The following TMEM132D variants were observed in gnomAD, a reference collection of about 807,000 sequenced individuals.
The protein encoded by TMEM132D is transmembrane protein 132D, also known as mature OL transmembrane protein.
In TMEM132D, 21 loss-of-function variants were observed where a neutral mutation model predicts 62.3. The ratio of observed to expected loss-of-function variants is 0.34; its 90% CI spans 0.24 to 0.49. The LOEUF is 0.49. TMEM132D is among the 20% of genes least tolerant of loss of function. The pLI is 0.99. For synonymous variants in TMEM132D, 621 were observed against 575.6 expected (o/e 1.08, Z -1.13); for missense variants, 1,346 against 1,402.8 (o/e 0.96, Z 0.65).
intron 1 of TMEM132D, among the ~76,000 whole-genome samples, chr12:129,866,688 A>G: frequency 6.6e-6 from 1 of 152,152 alleles, no homozygotes; most frequent in East Asian, 1.9e-4. Flanking sequence ...TAAGTTGGTA[A>G]AGCCATTACG....
At chr12:129,357,834 C>T (rs1167303097) in intron 3 of TMEM132D, among the ~76,000 whole-genome samples, 3 of 152,290 alleles carry the variant, frequency 2.0e-5, no homozygotes, top group Admixed American at 6.5e-5. Flanking sequence ...CATAGGCTAC[C>T]AAAGGTCTCC....
At chr12:129,881,279 C>T (rs766497554) in intron 1 of TMEM132D, among the ~76,000 whole-genome samples, 38 of 151,904 alleles carry the variant, frequency 2.5e-4, no homozygotes, top group Non-Finnish European at 5.0e-4. Context: ...AAGAGGTACT[C>T]CTCTCAGTAA....
rs188800646 is a variant in TMEM132D, at chr12:129,721,923, G to A, written c.80-21225C>T. ...AGCCTACTTCTCAGATGTGGGTCCCGGGAAACCCAATCTTCTTAATTTGTC... is the reference window on the plus strand; with the variant it reads ...AGCCTACTTCTCAGATGTGGGTCCCAGGAAACCCAATCTTCTTAATTTGTC... On this transcript the variant is annotated intron_variant, in intron 1 of 8. Coordinates refer to ENST00000422113, the MANE Select transcript of TMEM132D (RefSeq NM_133448.3). Among the ~76,000 whole-genome samples the A allele has an allele frequency of 1.1e-4, 16 of 152,286 alleles. No homozygotes were observed. In the East Asian group the frequency reaches 2.5e-3, roughly 24 times the overall value.
At chr12:129,622,321 G>A (rs1324587028) in intron 2 of TMEM132D, among the ~76,000 whole-genome samples, 4 of 152,212 alleles carry the variant, frequency 2.6e-5, no homozygotes, top group Admixed American at 1.3e-4. Context: ...AATCGGCACC[G>A]ACAGTGGGCG....
chr12:129,363,778 T>C (rs369863313), intron 3 of TMEM132D, among the ~76,000 whole-genome samples: 1 of 152,242 alleles, frequency 6.6e-6, no homozygotes, highest in East Asian at 1.9e-4. Context: ...AATTTCTTGG[T>C]ATAAATGTCA....
chr12:129,590,327 C>T (rs1408953411), intron 2 of TMEM132D, among the ~76,000 whole-genome samples: 1 of 152,206 alleles, frequency 6.6e-6, no homozygotes, highest in Non-Finnish European at 1.5e-5. Context: ...ACCGCCACGG[C>T]TGGAACAGAT....
intron 6 of TMEM132D, among the ~76,000 whole-genome samples, chr12:129,084,243 G>A (rs1874541063): frequency 6.6e-6 from 1 of 152,138 alleles, no homozygotes; most frequent in Non-Finnish European, 1.5e-5. Context: ...TTAAATTCAG[G>A]ACTTTGCTGG....
At position 129,813,014 on chromosome 12, in the gene TMEM132D, G is replaced by A. The variant is rs758447591; in HGVS notation, c.79+90247C>T. Among the ~76,000 whole-genome samples the A allele has an allele frequency of 1.7e-4, 26 of 151,830 alleles. 1 individual carries two copies. The highest frequency in any genetic ancestry group is 4.1e-4 in the African/African-American group (17 of 41,404). The stretch of plus-strand genomic sequence containing the variant: ...CTTATGCATTTATCCCGACTCCTGC[G>A]CCTTCCACTTCTTTCCGTCTCGGCG... On this transcript the variant is annotated intron_variant, in intron 1 of 8. Coordinates refer to ENST00000422113, the MANE Select transcript of TMEM132D (RefSeq NM_133448.3).
At position 129,655,810 on chromosome 12, in the gene TMEM132D, T is replaced by C. The variant is rs117472395; in HGVS notation, c.968+44000A>G. 9.9e-3 allele frequency among the ~76,000 whole-genome samples: 1,505 copies of C among 152,334 alleles called. 49 individuals are homozygous for C. The South Asian group carries it at 0.12, about 12-fold the overall frequency. ...TTCTGGCACAGAGCTGCATTTAGTC[T>C]TCTTTGGATAATGCTATATTATGAA... On this transcript the variant is annotated intron_variant, in intron 2 of 8. Coordinates refer to ENST00000422113, the MANE Select transcript of TMEM132D (RefSeq NM_133448.3).
At chr12:129,305,142 A>T (rs1881818336) in intron 4 of TMEM132D, among the ~76,000 whole-genome samples, 1 of 152,232 alleles carries the variant, frequency 6.6e-6, no homozygotes, top group Non-Finnish European at 1.5e-5. Context: ...CTGATTCATC[A>T]CTATATCCCC....
chr12:129,831,876 C>CTTTTTTTTTT (rs71085576), intron 1 of TMEM132D, among the ~76,000 whole-genome samples: 2 of 134,898 alleles, frequency 1.5e-5, no homozygotes, highest in Admixed American at 1.6e-4. Context: ...CTTTCTTTTT[C>CTTTTTTTTTT]TTTTTTTTTT....
chr12:129,671,218 C>T (rs1260495595), intron 2 of TMEM132D, among the ~76,000 whole-genome samples: 1 of 152,144 alleles, frequency 6.6e-6, no homozygotes, highest in Non-Finnish European at 1.5e-5. Flanking sequence ...AAACACTTTT[C>T]ACCTTCAGGA....
At chr12:129,490,541 G>T (rs1374111021) in intron 3 of TMEM132D, among the ~76,000 whole-genome samples, 1 of 136,242 alleles carries the variant, frequency 7.3e-6, no homozygotes, top group African/African-American at 2.8e-5. Context: ...CCATTCTCCT[G>T]CCTCAGCCTC....
chr12:129,812,147 A>G (rs1384447201), intron 1 of TMEM132D, among the ~76,000 whole-genome samples: 1 of 151,674 alleles, frequency 6.6e-6, no homozygotes, highest in African/African-American at 2.4e-5. Flanking sequence ...GCACCATTAC[A>G]CAATCCTACA....
At chr12:129,525,378 T>C (rs922262381) in intron 3 of TMEM132D, among the ~76,000 whole-genome samples, 8 of 151,808 alleles carry the variant, frequency 5.3e-5, no homozygotes, top group African/African-American at 1.9e-4. Flanking sequence ...AGATTCTAAA[T>C]TTAAACATAA....
In TMEM132D at chr12:129,810,570, ACACCCCCC is replaced by A. The variant is rs896666031; in HGVS notation, c.79+92683_79+92690del. Among the ~76,000 whole-genome samples the A allele has an allele frequency of 8.5e-4, 23 of 27,202 alleles. No homozygotes were observed. The South Asian group carries it at 0.013, about 16-fold the overall frequency. 17.8% of individuals were successfully genotyped at this position (27,202 alleles called of 152,430 possible). ...TATACATACACACACACACACACAC[ACACCCCCC>A]CACACTCTTTAACCTGTGCCTTACC... On this transcript the variant is annotated intron_variant, in intron 1 of 8. Transcript: ENST00000422113.
At chr12:129,559,436 G>T (rs1233903958) in intron 2 of TMEM132D, among the ~76,000 whole-genome samples, 1 of 152,198 alleles carries the variant, frequency 6.6e-6, no homozygotes, top group Non-Finnish European at 1.5e-5. Context: ...GAGACGAGAG[G>T]TCTCGTAGAT....
intron 3 of TMEM132D, among the ~76,000 whole-genome samples, chr12:129,499,478 T>C (rs2137065974): frequency 6.6e-6 from 1 of 152,356 alleles, no homozygotes; most frequent in African/African-American, 2.4e-5. Flanking sequence ...CAGTTGATTT[T>C]GGCCAGTGAG....
intron 5 of TMEM132D, among the ~76,000 whole-genome samples, chr12:129,206,631 T>C (rs1244154571): frequency 2.0e-5 from 3 of 152,234 alleles, no homozygotes; most frequent in Admixed American, 2.0e-4. Flanking sequence ...TAAATCATTC[T>C]ACCATAAAGA....
Sources: gnomAD v4.1 joint callset for allele counts (sites outside exome capture counted in the v4.1 genomes callset) on GRCh38, gnomAD v4.1.1 for gene constraint, MANE v1.5 for transcripts, NCBI Gene and HGNC (gene_info 2026-07-23, HGNC 2026-07-21) for gene names.